SAMMSON: variants seen among roughly 807,000 people sequenced by gnomAD.
The protein encoded by SAMMSON is survival associated mitochondrial melanoma specific oncogenic non-coding RNA, also known as long intergenic non-protein coding RNA 1212.
chr3:70,308,396 A>T (rs1030788778), intron 7 of SAMMSON, among the ~76,000 whole-genome samples: 1 of 152,110 alleles, frequency 6.6e-6, no homozygotes, highest in Non-Finnish European at 1.5e-5. Flanking sequence ...TTATCCGATT[A>T]TCTTAAAAGA....
At chr3:70,377,848 A>G (rs1016279429) in intron 9 of SAMMSON, among the ~76,000 whole-genome samples, 1 of 152,024 alleles carries the variant, frequency 6.6e-6, no homozygotes, top group Non-Finnish European at 1.5e-5. Context: ...AGGAGAGGAA[A>G]TTCAAAAGGC....
At chr3:70,065,572 C>T (rs1417908458) in intron 3 of SAMMSON, among the ~76,000 whole-genome samples, 2 of 151,960 alleles carry the variant, frequency 1.3e-5, no homozygotes, top group East Asian at 3.9e-4. Flanking sequence ...CAATGTGTGC[C>T]TCTTTCAGAA....
intron 6 of SAMMSON, among the ~76,000 whole-genome samples, chr3:70,272,640 G>C (rs188282185): frequency 1.2e-4 from 18 of 152,218 alleles, no homozygotes; most frequent in Admixed American, 3.3e-4. Context: ...TTGCCCAGTC[G>C]AATGGCAGGT....
chr3:70,036,307 A>G (rs2067084773), intron 3 of SAMMSON, among the ~76,000 whole-genome samples: 1 of 152,146 alleles, frequency 6.6e-6, no homozygotes, highest in Non-Finnish European at 1.5e-5. Flanking sequence ...TACAGTGGAC[A>G]TTTATAATTT....
chr3:70,019,439 A>C (rs1010852161), intron 3 of SAMMSON, among the ~76,000 whole-genome samples: 1 of 152,116 alleles, frequency 6.6e-6, no homozygotes, highest in South Asian at 2.1e-4. Flanking sequence ...TGCTTGGTAG[A>C]TCTTCCTCCA....
chr3:70,072,648 A>G (rs1308621706), intron 4 of SAMMSON: 1 of 6,502 alleles, frequency 1.5e-4, no homozygotes, highest in East Asian at 3.0e-3. Flanking sequence ...CAGCAAAGGA[A>G]AAAAAAAAAA....
chr3:70,273,413 A>G (rs1701993692), intron 6 of SAMMSON, among the ~76,000 whole-genome samples: 1 of 152,188 alleles, frequency 6.6e-6, no homozygotes, highest in African/African-American at 2.4e-5. Flanking sequence ...TCAGGATGAG[A>G]TCACAGAATT....
chr3:70,212,732 T>C (rs1162422425), intron 4 of SAMMSON, among the ~76,000 whole-genome samples: 1 of 152,030 alleles, frequency 6.6e-6, no homozygotes, highest in East Asian at 1.9e-4. Flanking sequence ...AACACACACA[T>C]CATGAACACA....
chr3:70,385,662 A>G lies in SAMMSON; in HGVS notation n.914-3912A>G, dbSNP rs955721616. Reference sequence around the variant, plus strand: ...TAGTCTGTCAATACTGAAGATTTTGACTAACGGCATGACCTACTTGATGAT... The same window carrying G: ...TAGTCTGTCAATACTGAAGATTTTGGCTAACGGCATGACCTACTTGATGAT... On this transcript the variant is annotated intron_variant and non_coding_transcript_variant, in intron 9 of 9. Coordinates refer to ENST00000642114, the Ensembl canonical transcript of SAMMSON. 2.0e-5 allele frequency among the ~76,000 whole-genome samples: 3 copies of G among 152,154 alleles called. 1 individual carries two copies. Among genetic ancestry groups the G allele is most frequent in the Admixed American group, 2.0e-4 (3 of 15,250 alleles).
chr3:70,126,204 T>A, intron 4 of SAMMSON: 2 of 1,097,824 alleles, frequency 1.8e-6, no homozygotes, highest in South Asian at 2.6e-5. Flanking sequence ...TTTCTACTGT[T>A]AAATAACCAA....
rs34990476 is a variant in SAMMSON at position 70,045,922 on chromosome 3, CAT to C, written n.418-25553_418-25552del. Among the ~76,000 whole-genome samples the C allele has an allele frequency of 2.7e-3, 405 of 152,162 alleles. 18 individuals carry two copies. The East Asian group carries it at 0.067, about 25-fold the overall frequency. On this transcript the variant is annotated intron_variant and non_coding_transcript_variant, in intron 3 of 9. Coordinates refer to ENST00000642114, the Ensembl canonical transcript of SAMMSON. ...AACTAAAGATAACTTCACAAAAGCA[CAT>C]GTCAGCTAACGAGAAACGCAAGGAG...
chr3:70,263,631 AT>A (rs1316454454), intron 6 of SAMMSON, among the ~76,000 whole-genome samples: 5 of 152,204 alleles, frequency 3.3e-5, no homozygotes, highest in Non-Finnish European at 7.3e-5. Flanking sequence ...TGTAGATGGT[AT>A]TCAGCAAAAG....
intron 7 of SAMMSON, among the ~76,000 whole-genome samples, chr3:70,293,773 G>C (rs1702264214): frequency 6.6e-6 from 1 of 151,680 alleles, no homozygotes; most frequent in Non-Finnish European, 1.5e-5. Context: ...ATAACAATGA[G>C]TATCTGAACC....
chr3:70,232,094 G>C (rs1035408443), intron 4 of SAMMSON, among the ~76,000 whole-genome samples: 1 of 152,124 alleles, frequency 6.6e-6, no homozygotes, highest in Non-Finnish European at 1.5e-5. Flanking sequence ...TGCTTTCCAA[G>C]TGCTGAGGCT....
At chr3:70,289,696 C>T (rs1043232580) in intron 6 of SAMMSON, among the ~76,000 whole-genome samples, 2 of 152,246 alleles carry the variant, frequency 1.3e-5, no homozygotes, top group South Asian at 2.1e-4. Context: ...TTCAGGTACA[C>T]CAATCAGACC....
At chr3:70,001,490 A>G (rs1453161899) in intron 1 of SAMMSON, among the ~76,000 whole-genome samples, 1 of 150,968 alleles carries the variant, frequency 6.6e-6, no homozygotes, top group Non-Finnish European at 1.5e-5. Context: ...CTACATGTAT[A>G]CATGTAATAT....
chr3:70,079,330 T>C (rs1182966878), intron 4 of SAMMSON, among the ~76,000 whole-genome samples: 1 of 152,122 alleles, frequency 6.6e-6, no homozygotes, highest in African/African-American at 2.4e-5. Context: ...GGTGGGAGTA[T>C]TTACTTTAGG....
intron 8 of SAMMSON, among the ~76,000 whole-genome samples, chr3:70,354,731 T>C (rs1365445777): frequency 6.6e-6 from 1 of 152,178 alleles, no homozygotes; most frequent in Admixed American, 6.5e-5. Flanking sequence ...GACTCCTAAA[T>C]TTGGTTTGAG....
intron 3 of SAMMSON, chr3:70,024,952 C>G (rs1469841547): frequency 6.6e-6 from 1 of 152,146 alleles, no homozygotes. Flanking sequence ...TGACCTAAGA[C>G]TGTTGAGGTC....
Sources: allele counts gnomAD v4.1 joint callset (sites outside exome capture counted in the v4.1 genomes callset), GRCh38; gene constraint gnomAD v4.1.1; transcripts MANE v1.5; gene names NCBI Gene and HGNC (gene_info 2026-07-23, HGNC 2026-07-21).